The following B3GALT1 variants were observed in gnomAD, a reference collection of about 807,000 sequenced individuals.
The protein encoded by B3GALT1 is beta-1,3-galactosyltransferase 1.
Under a neutral mutation model 23.2 loss-of-function variants are expected in B3GALT1, and 10 were observed. The observed-to-expected ratio is 0.43, with a 90% CI of 0.27 to 0.73. B3GALT1 has a LOEUF of 0.73. Among genes scored for constraint, B3GALT1 ranks in the 30% least tolerant of loss-of-function variants. The probability of loss-of-function intolerance (pLI) is 0.21; values close to 1 mark genes in which losing one functional copy is unlikely to be tolerated. For missense variants in B3GALT1, 299 were observed against 405.4 expected (o/e 0.74, Z 2.25); for synonymous variants, 156 against 141.5 (o/e 1.10, Z -0.73).
At chr2:167,809,099 G>A (rs979933669) in intron 3 of B3GALT1, among the ~76,000 whole-genome samples, 5 of 151,972 alleles carry the variant, frequency 3.3e-5, no homozygotes, top group East Asian at 1.9e-4. Context: ...TTGTGCATTC[G>A]TCACGTAGTC....
At chr2:167,538,760 A>G (rs932657353) in intron 2 of B3GALT1, among the ~76,000 whole-genome samples, 1 of 152,222 alleles carries the variant, frequency 6.6e-6, no homozygotes, top group Non-Finnish European at 1.5e-5. Context: ...CATAGAAACT[A>G]CTGGATTTAA....
At chr2:167,726,170 T>C (rs188330386) in intron 3 of B3GALT1, among the ~76,000 whole-genome samples, 1 of 152,330 alleles carries the variant, frequency 6.6e-6, no homozygotes, top group East Asian at 1.9e-4. Context: ...TTTAGCCTGC[T>C]TCTCCAGCTT....
At chr2:167,850,344 A>G (rs1025247316) in intron 4 of B3GALT1, among the ~76,000 whole-genome samples, 7 of 152,234 alleles carry the variant, frequency 4.6e-5, no homozygotes, top group Non-Finnish European at 8.8e-5. Context: ...CCACAATGTC[A>G]TACTACCTTA....
rs1690346566 is a variant in B3GALT1 at position 167,871,615 on chromosome 2, C to G, written c.*1595C>G. ...GCTGAAAGTAGAGGCAGCTGCCTTT[C>G]TTTGGGAAGGAACCTCTGGTTGGGG... On this transcript the variant is annotated 3_prime_UTR_variant, in exon 5 of 5. Transcript: ENST00000392690. The G allele has an allele frequency of 6.6e-6, 1 of 152,158 alleles. No individual in the cohort carries two copies. 9.4% of individuals were successfully genotyped at this position (152,158 alleles called of 1,614,324 possible). A position where few individuals can be genotyped will look rare whatever the true frequency, so the allele number is the denominator to read the frequency against.
At chr2:167,428,083 C>T (rs895164273) in intron 1 of B3GALT1, among the ~76,000 whole-genome samples, 1 of 152,052 alleles carries the variant, frequency 6.6e-6, no homozygotes, top group African/African-American at 2.4e-5. Context: ...GTTTTTGCCA[C>T]TAAGTGTTAT....
Position 167,405,279 on chromosome 2 carries a change from A to C in B3GALT1, c.-510-84898A>C, listed in dbSNP as rs947390346. ...ATTTAATTCTATATCAGTAGTAGTAAATAATTACTATCATTTAAAAGGACT... is the reference window on the plus strand; with the variant it reads ...ATTTAATTCTATATCAGTAGTAGTACATAATTACTATCATTTAAAAGGACT... On this transcript the variant is annotated intron_variant, in intron 1 of 4. Transcript: ENST00000392690. Among the ~76,000 whole-genome samples the C allele has an allele frequency of 2.0e-5, 3 of 152,188 alleles. No homozygotes were observed. The East Asian group carries it at 5.8e-4, about 29-fold the overall frequency.
At chr2:167,446,244 C>T (rs1698989502) in intron 1 of B3GALT1, among the ~76,000 whole-genome samples, 1 of 152,160 alleles carries the variant, frequency 6.6e-6, no homozygotes, top group African/African-American at 2.4e-5. Context: ...CTGTTAGTTT[C>T]TTGGGCTTCC....
At chr2:167,681,804 C>T (rs763219636) in intron 3 of B3GALT1, among the ~76,000 whole-genome samples, 4 of 152,130 alleles carry the variant, frequency 2.6e-5, no homozygotes, top group Non-Finnish European at 5.9e-5. Context: ...CTCATGGCAC[C>T]GTGCAGGCCC....
intron 2 of B3GALT1, among the ~76,000 whole-genome samples, chr2:167,564,455 C>A (rs371371680): frequency 6.6e-6 from 1 of 151,402 alleles, no homozygotes; most frequent in Admixed American, 6.6e-5. Flanking sequence ...ACCTCCCAGA[C>A]GGGGTGGCGG....
At chr2:167,867,152 T>C (rs1376285245) in intron 4 of B3GALT1, among the ~76,000 whole-genome samples, 2 of 152,172 alleles carry the variant, frequency 1.3e-5, no homozygotes, top group Non-Finnish European at 2.9e-5. Flanking sequence ...GGTCTCGATC[T>C]CCTGACCTCG....
At chr2:167,830,342 G>A (rs1027750278) in intron 4 of B3GALT1, among the ~76,000 whole-genome samples, 26 of 151,458 alleles carry the variant, frequency 1.7e-4, no homozygotes, top group African/African-American at 5.1e-4. Context: ...GACATTAAGC[G>A]GGAACAGGGC....
In B3GALT1 at chr2:167,533,728, C is replaced by T. The variant is rs574064656; in HGVS notation, c.-410+43451C>T. 5.3e-5 allele frequency among the ~76,000 whole-genome samples: 8 copies of T among 152,264 alleles called. No homozygotes were observed. The South Asian group carries it at 8.3e-4, about 16-fold the overall frequency. ...GATAGTTATTGTTCAGATTCCCTTACGTTTTACCAATTTATTTGCTCACTA... is the reference window on the plus strand; with the variant it reads ...GATAGTTATTGTTCAGATTCCCTTATGTTTTACCAATTTATTTGCTCACTA... On this transcript the variant is annotated intron_variant, in intron 2 of 4. Coordinates refer to ENST00000392690, the MANE Select transcript of B3GALT1 (RefSeq NM_020981.4).
intron 2 of B3GALT1, among the ~76,000 whole-genome samples, chr2:167,611,662 G>T (rs1473454084): frequency 6.6e-6 from 1 of 151,968 alleles, no homozygotes; most frequent in South Asian, 2.1e-4. Context: ...ATATCTGTGA[G>T]TATTTCTGTG....
chr2:167,560,585 G>A (rs1683960245), intron 2 of B3GALT1, among the ~76,000 whole-genome samples: 1 of 152,006 alleles, frequency 6.6e-6, no homozygotes, highest in South Asian at 2.1e-4. Context: ...GACACACATA[G>A]GCTCAAAATA....
At chr2:167,715,433 G>C in intron 3 of B3GALT1, 1 of 1,608,998 alleles carries the variant, frequency 6.2e-7, no homozygotes, top group Non-Finnish European at 8.5e-7. Flanking sequence ...TTCACTCAAA[G>C]CATCTTTTAT....
intron 1 of B3GALT1, among the ~76,000 whole-genome samples, chr2:167,392,291 A>G (rs181972696): frequency 3.5e-4 from 53 of 152,218 alleles, no homozygotes; most frequent in African/African-American, 1.2e-3. Flanking sequence ...ATCTGAAGAA[A>G]GGCCAACCCC....
chr2:167,585,992 T>C (rs1011143756), intron 2 of B3GALT1, among the ~76,000 whole-genome samples: 2 of 152,194 alleles, frequency 1.3e-5, no homozygotes, highest in Non-Finnish European at 2.9e-5. Context: ...CATTTGCCCT[T>C]TGGAGGGCTT....
chr2:167,420,215 C>T (rs772719897), intron 1 of B3GALT1, among the ~76,000 whole-genome samples: 12 of 152,086 alleles, frequency 7.9e-5, no homozygotes, highest in African/African-American at 2.2e-4. Flanking sequence ...CTGTGTCATC[C>T]GTAGTTTCAA....
chr2:167,375,176 C>G (rs981968526), intron 1 of B3GALT1, among the ~76,000 whole-genome samples: 1 of 152,064 alleles, frequency 6.6e-6, no homozygotes, highest in Non-Finnish European at 1.5e-5. Flanking sequence ...TCTGGGTTCA[C>G]TATTCTAGTC....
Sources: allele counts gnomAD v4.1 joint callset (sites outside exome capture counted in the v4.1 genomes callset), GRCh38; gene constraint gnomAD v4.1.1; transcripts MANE v1.5; gene names NCBI Gene and HGNC (gene_info 2026-07-23, HGNC 2026-07-21).